Variants in BCAS3 observed in about 807,000 individuals in gnomAD.
BCAS3 encodes BCAS4/BCAS3 fusion.
A neutral mutation model predicts 116.1 loss-of-function variants in BCAS3; 53 were observed. The observed-to-expected ratio is 0.46, with a 90% CI of 0.37 to 0.57. The LOEUF is 0.57. Ranked by LOEUF, BCAS3 falls within the 20% of genes least tolerant of loss-of-function variation. The pLI is 0.00. For missense variants in BCAS3, 917 were observed against 1,165.4 expected (o/e 0.79, Z 3.10); for synonymous variants, 391 against 408.2 (o/e 0.96, Z 0.51).
intron 22 of BCAS3, among the ~76,000 whole-genome samples, chr17:61,176,372 A>G (rs1372448337): frequency 8.7e-5 from 1 of 11,470 alleles, no homozygotes. Flanking sequence ...TTTTCTTCCT[A>G]TATTTTTGTT....
At chr17:60,729,776 C>T (rs1287678937) in intron 5 of BCAS3, among the ~76,000 whole-genome samples, 2 of 152,140 alleles carry the variant, frequency 1.3e-5, no homozygotes, top group Non-Finnish European at 2.9e-5. Flanking sequence ...ACTGCTTTCT[C>T]TCTTCACTTT....
intron 9 of BCAS3, among the ~76,000 whole-genome samples, chr17:60,882,223 G>T (rs1400845081): frequency 6.6e-6 from 1 of 152,038 alleles, no homozygotes; most frequent in Non-Finnish European, 1.5e-5. Context: ...GTGTTTTTTG[G>T]CTGCATAAAT....
chr17:61,132,010 C>T lies in BCAS3; in HGVS notation c.2425+47446C>T, dbSNP rs566563788. 6.6e-6 allele frequency among the ~76,000 whole-genome samples: 1 copy of T among 152,240 alleles called. No homozygotes were observed. The highest frequency in any genetic ancestry group is 6.5e-5 in the Admixed American group (1 of 15,290). On this transcript the variant is annotated intron_variant, in intron 22 of 23. Transcript: ENST00000407086. The surrounding 1 kb of genome is among the most constrained non-coding windows in gnomAD (Gnocchi z 5.1). ...CTTTTCATGCAGGGTTGCAATTAACCCCTGGCAGATACCTCACCGTGTTCT... is the reference window on the plus strand; with the variant it reads ...CTTTTCATGCAGGGTTGCAATTAACTCCTGGCAGATACCTCACCGTGTTCT...
chr17:60,769,083 G>A (rs2044393688), intron 6 of BCAS3, among the ~76,000 whole-genome samples: 1 of 152,196 alleles, frequency 6.6e-6, no homozygotes, highest in Non-Finnish European at 1.5e-5. Flanking sequence ...GACCCCAGGA[G>A]GAGTGGTCAG....
chr17:60,807,674 C>T (rs1192128551), intron 6 of BCAS3, among the ~76,000 whole-genome samples: 1 of 151,318 alleles, frequency 6.6e-6, no homozygotes, highest in Non-Finnish European at 1.5e-5. Context: ...CCCAGCTACT[C>T]AGAAGGCTGA....
intron 22 of BCAS3, among the ~76,000 whole-genome samples, chr17:61,225,298 C>T (rs114340784): frequency 5.9e-4 from 90 of 152,024 alleles, no homozygotes; most frequent in African/African-American, 1.8e-3. Flanking sequence ...TCACATTAGA[C>T]GCAGCCCTTT....
At chr17:60,895,547 C>T (rs2057452764) in intron 10 of BCAS3, among the ~76,000 whole-genome samples, 1 of 151,896 alleles carries the variant, frequency 6.6e-6, no homozygotes, top group African/African-American at 2.4e-5. Flanking sequence ...GTCTATTTTG[C>T]TTAGTTCTAC....
At chr17:60,818,061 G>T (rs1456008597) in intron 7 of BCAS3, among the ~76,000 whole-genome samples, 1 of 151,922 alleles carries the variant, frequency 6.6e-6, no homozygotes, top group Non-Finnish European at 1.5e-5. Flanking sequence ...CCCCATGTTG[G>T]CCAGGCTGGT....
rs1015361659 is a variant in BCAS3 at position 61,028,764 on chromosome 17, C to A, written c.1638-5902C>A. ...TATTAAATATAGTAGACTTTTAAAT[C>A]ATTGCCTGTCTTTTAGAAGACTGCT... On this transcript the variant is annotated intron_variant, in intron 16 of 23. Coordinates refer to ENST00000407086, the MANE Select transcript of BCAS3 (RefSeq NM_017679.5). This position sits in a 1 kb window ranked among gnomAD's most constrained non-coding sequence, Gnocchi z 4.3. 3.3e-5 allele frequency among the ~76,000 whole-genome samples: 5 copies of A among 151,882 alleles called. No homozygotes were observed. Among genetic ancestry groups the A allele is most frequent in the African/African-American group, 4.8e-5 (2 of 41,418 alleles).
rs1159580683 is a variant in BCAS3 at position 61,130,008 on chromosome 17, T to G, written c.2425+45444T>G. On this transcript the variant is annotated intron_variant, in intron 22 of 23. Transcript: ENST00000407086. The surrounding 1 kb of genome is among the most constrained non-coding windows in gnomAD (Gnocchi z 5.0). Reference sequence around the variant, plus strand: ...TGATTCTTGTTTTGTAGCTTTTTGTTTATAAAGGCAATGTTGTATTCCACA... The same window carrying G: ...TGATTCTTGTTTTGTAGCTTTTTGTGTATAAAGGCAATGTTGTATTCCACA... 6.6e-6 allele frequency among the ~76,000 whole-genome samples: 1 copy of G among 152,198 alleles called. No homozygotes were observed. Among genetic ancestry groups the G allele is most frequent in the Non-Finnish European group, 1.5e-5 (1 of 68,034 alleles).
At chr17:61,287,051 A>C (rs897262935) in intron 22 of BCAS3, among the ~76,000 whole-genome samples, 1 of 151,790 alleles carries the variant, frequency 6.6e-6, no homozygotes, top group African/African-American at 2.4e-5. Flanking sequence ...GATCGAGACC[A>C]TCCTGGCTAA....
intron 7 of BCAS3, among the ~76,000 whole-genome samples, chr17:60,858,853 CTT>C (rs141103345): frequency 0.03 from 4,607 of 152,174 alleles, 177 homozygotes; most frequent in East Asian, 0.091. Flanking sequence ...TGTTGAACAT[CTT>C]TTCATGTGCT....
chr17:60,897,495 G>A (rs1055065747), intron 10 of BCAS3, among the ~76,000 whole-genome samples: 2 of 152,134 alleles, frequency 1.3e-5, no homozygotes, highest in African/African-American at 4.8e-5. Context: ...TCCATTAAAT[G>A]TGCTTTCAAA....
chr17:61,289,805 A>C (rs1828370806), intron 22 of BCAS3, among the ~76,000 whole-genome samples: 1 of 152,248 alleles, frequency 6.6e-6, no homozygotes, highest in Non-Finnish European at 1.5e-5. Flanking sequence ...ATGTTACATT[A>C]CAGAGACTAA....
intron 13 of BCAS3, among the ~76,000 whole-genome samples, chr17:60,946,871 C>T (rs370960147): frequency 6.6e-6 from 1 of 152,028 alleles, no homozygotes; most frequent in Non-Finnish European, 1.5e-5. Context: ...TGATCAGGCA[C>T]CTGCACCCCA....
rs1311432519 is a variant in BCAS3 at position 60,995,116 on chromosome 17, T to C, written c.1486+4881T>C. Among the ~76,000 whole-genome samples, 2 of 152,202 alleles carry C rather than the reference T, an allele frequency of 1.3e-5. No homozygotes were observed. The highest frequency in any genetic ancestry group is 2.9e-5 in the Non-Finnish European group (2 of 68,028). On this transcript the variant is annotated intron_variant, in intron 15 of 23. Transcript: ENST00000407086. This position sits in a 1 kb window ranked among gnomAD's most constrained non-coding sequence, Gnocchi z 4.7. ...CTTCAGCCTCCTGAGTAGCTGGGAT[T>C]ACAGGTGCGTGCCACCATGCCCAGC...
intron 7 of BCAS3, among the ~76,000 whole-genome samples, chr17:60,833,989 A>C (rs1409202373): frequency 6.6e-6 from 1 of 152,062 alleles, no homozygotes; most frequent in African/African-American, 2.4e-5. Flanking sequence ...TTTCACTATA[A>C]AATAACTGCA....
chr17:60,901,943 C>G (rs898337920), intron 10 of BCAS3, among the ~76,000 whole-genome samples: 1 of 152,092 alleles, frequency 6.6e-6, no homozygotes, highest in Non-Finnish European at 1.5e-5. Flanking sequence ...AGAATTTAAT[C>G]CTGGTTTATT....
chr17:60,927,745 C>T (rs577428500), intron 13 of BCAS3, among the ~76,000 whole-genome samples: 1 of 152,170 alleles, frequency 6.6e-6, no homozygotes, highest in Admixed American at 6.5e-5. Context: ...AATTAGTTAA[C>T]TGTACCTGTA....
Sources: gnomAD v4.1 joint callset for allele counts (sites outside exome capture counted in the v4.1 genomes callset) on GRCh38, gnomAD v4.1.1 for gene constraint, Gnocchi (gnomAD v3.1) non-coding constraint, MANE v1.5 for transcripts, NCBI Gene and HGNC (gene_info 2026-07-23, HGNC 2026-07-21) for gene names.